Variants in ZNF23 observed in about 807,000 individuals in gnomAD.
ZNF23 encodes the protein kruppel-like zinc finger factor X31.
A neutral mutation model predicts 56.2 loss-of-function variants in ZNF23; 48 were observed. That is an observed-to-expected ratio of 0.85 (90% CI 0.68 to 1.09). ZNF23 has a LOEUF of 1.09. Ranked by LOEUF, ZNF23 falls within the 50% of genes least tolerant of loss-of-function variation. The pLI is 0.00. For synonymous variants in ZNF23, 266 were observed against 283.3 expected (o/e 0.94, Z 0.61); for missense variants, 805 against 811.4 (o/e 0.99, Z 0.10).
chr16:71,458,279 C>T (rs1369741872), intron 1 of ZNF23, among the ~76,000 whole-genome samples: 1 of 152,222 alleles, frequency 6.6e-6, no homozygotes, highest in African/African-American at 2.4e-5. Flanking sequence ...CTGACTTTTA[C>T]TGCCCCTAAA....
chr16:71,449,766 C>T lies in ZNF23; in HGVS notation c.388G>A (p.Glu130Lys). Residue 130 changes from glutamate to lysine, a missense_variant, in exon 5 of 5, where the codon GAG (glutamate) becomes AAG (lysine). Coordinates refer to ENST00000647773, the MANE Select transcript of ZNF23 (RefSeq NM_001381984.1). ...GCTGAGTGGACTTCCTGTTGTTTCT[C>T]TAGAAGAGAGGCTTCTGAAAAGTCT... ...ETDFSEASLL[E>K]KQQEVHSAGN... 4.3e-6 allele frequency: 7 copies of T among 1,614,128 alleles called. No individual in the cohort carries two copies. The highest frequency in any genetic ancestry group is 5.9e-6 in the Non-Finnish European group (7 of 1,180,042).
In ZNF23 at chr16:71,448,632, G is replaced by GC. The variant is rs765342204; in HGVS notation, c.1521dup (p.Arg508AlafsTer13). 2.5e-6 allele frequency: 4 copies of GC among 1,613,784 alleles called. No homozygotes were observed. The highest frequency in any genetic ancestry group is 2.2e-5 in the East Asian group (1 of 44,820). ...TCCCCAGTGTGAATTCTCTGATGCCGCATTAGTTTCCCATTAACGCTGAAG... is the reference window on the plus strand; with the variant it reads ...TCCCCAGTGTGAATTCTCTGATGCCGCCATTAGTTTCCCATTAACGCTGAAG... On this transcript the variant is annotated frameshift_variant, in exon 5 of 5. Transcript: ENST00000647773. LOFTEE classifies it high-confidence loss of function.
In ZNF23 at chr16:71,454,027, G is replaced by A; in HGVS notation, c.160+15C>T. ...AATTGGCAGATTCCAGGTTCCCAGGGTAGAGAGGTCTTACCCAGGGAGGCC... is the reference window on the plus strand; with the variant it reads ...AATTGGCAGATTCCAGGTTCCCAGGATAGAGAGGTCTTACCCAGGGAGGCC... On this transcript the variant is annotated intron_variant, in intron 3 of 4. Coordinates refer to ENST00000647773, the MANE Select transcript of ZNF23 (RefSeq NM_001381984.1). 6.2e-7 allele frequency: 1 copy of A among 1,614,058 alleles called. No homozygotes were observed.
In ZNF23 at chr16:71,449,410, G is replaced by A. The variant is rs773089420; in HGVS notation, c.744C>T (p.Phe248=). ...GCCAAATTAATTTCTCATTAATGCT[G>A]AAAGCTTTGCCACACTCCGAACACT... The part of the protein sequence containing the change: ...PYQCSECGKA[F]SINEKLIWHQ... Residue 248 remains phenylalanine (F), a synonymous_variant, in exon 5 of 5, where the codon TTC becomes TTT. Transcript: ENST00000647773. 1.2e-6 allele frequency: 2 copies of A among 1,614,246 alleles called. No homozygotes were observed. The highest frequency in any genetic ancestry group is 2.2e-5 in the South Asian group (2 of 91,086).
At position 71,449,811 on chromosome 16, in the gene ZNF23, T is replaced by C. The variant is rs761438058; in HGVS notation, c.343A>G (p.Arg115Gly). Residue 115 changes from arginine (R) to glycine (G), a missense_variant, in exon 5 of 5, where the codon AGA becomes GGA. By Grantham distance (125) the Arg-to-Gly change is moderately radical. Coordinates refer to ENST00000647773, the MANE Select transcript of ZNF23 (RefSeq NM_001381984.1). ...GKENVSFELQ[R>G]DFSQETDFSE... Reference sequence around the variant, plus strand: ...AAGTCTGTTTCCTGGGAAAAGTCTCTTTGAAGTTCAAATGATACATTCTCT... The same window carrying C: ...AAGTCTGTTTCCTGGGAAAAGTCTCCTTGAAGTTCAAATGATACATTCTCT... 6.2e-7 allele frequency: 1 copy of C among 1,613,894 alleles called. No homozygotes were observed. The highest frequency in any genetic ancestry group is 8.5e-7 in the Non-Finnish European group (1 of 1,180,000).
rs1192503028 is a variant in ZNF23, at chr16:71,449,556, T to G, written c.598A>C (p.Lys200Gln). The G allele has an allele frequency of 6.2e-7, 1 of 1,614,144 alleles. No individual in the cohort carries two copies. Residue 200 changes from lysine to glutamine, a missense_variant, in exon 5 of 5, where the codon AAG (lysine) becomes CAG (glutamine). By Grantham distance (53) the Lys-to-Gln change is moderately conservative (BLOSUM62 1). Transcript: ENST00000647773. ...TCCTCAGAATTAATTATTTCATGCT[T>G]CACGAGTTTTGTATCAAAGCTGATG... ...KSISFDTKLV[K>Q]HEIINSEERP...
intron 1 of ZNF23, chr16:71,461,673 A>G (rs929573419): frequency 6.6e-6 from 1 of 152,204 alleles, no homozygotes; most frequent in African/African-American, 2.4e-5. Flanking sequence ...TGGGACTGAC[A>G]CTGCTCCAGG....
At chr16:71,460,899 A>T (rs1306657935) in intron 1 of ZNF23, among the ~76,000 whole-genome samples, 1 of 152,172 alleles carries the variant, frequency 6.6e-6, no homozygotes, top group Non-Finnish European at 1.5e-5. Context: ...AACAACCCAC[A>T]TGTCCATTGA....
intron 1 of ZNF23, among the ~76,000 whole-genome samples, chr16:71,457,841 T>C (rs533829759): frequency 6.6e-6 from 1 of 152,192 alleles, no homozygotes; most frequent in Non-Finnish European, 1.5e-5. Flanking sequence ...ATCTTTGACT[T>C]ATTTCTCTTT....
chr16:71,456,144 G>A, intron 2 of ZNF23: 1 of 442,362 alleles, frequency 2.3e-6, no homozygotes, highest in Non-Finnish European at 4.5e-6. Flanking sequence ...GGAAAATTTG[G>A]TTTGCAGGTT....
rs2042948069 is a variant in ZNF23, at chr16:71,448,922, T to A, written c.1232A>T (p.Glu411Val). The A allele has an allele frequency of 1.2e-6, 2 of 1,614,130 alleles. No homozygotes were observed. ...ATTATTATTGAAGCCTTTTCCACACTCTTTACACTGATAGGGCTTTTCTCC... is the reference window on the plus strand; with the variant it reads ...ATTATTATTGAAGCCTTTTCCACACACTTTACACTGATAGGGCTTTTCTCC... Reference protein sequence around the residue: ...HTGEKPYQCKECGKGFNNNTK... With the variant: ...HTGEKPYQCKVCGKGFNNNTK... Residue 411 changes from glutamate to valine, a missense_variant, in exon 5 of 5, where the codon GAG becomes GTG. By Grantham distance (121) the Glu-to-Val change is moderately radical. Transcript: ENST00000647773.
chr16:71,452,349 G>A (rs578198757), intron 4 of ZNF23: 1 of 151,890 alleles, frequency 6.6e-6, no homozygotes, highest in Non-Finnish European at 1.5e-5. Context: ...AAAAATTCAA[G>A]AGAATCTCAC....
rs772032983 is a variant in ZNF23, at chr16:71,448,178, T to C, written c.1976A>G (p.Tyr659Cys). 23 of 1,614,116 alleles carry C rather than the reference T, an allele frequency of 1.4e-5. No homozygotes were observed. The highest frequency in any genetic ancestry group is 8.3e-5 in the Admixed American group (5 of 60,008). Residue 659 changes from tyrosine (Y) to cysteine (C), a missense_variant, in exon 5 of 5, where the codon TAT becomes TGT. Tyr to Cys is a radical substitution (Grantham distance 194). Coordinates refer to ENST00000647773, the MANE Select transcript of ZNF23 (RefSeq NM_001381984.1). ...TGCTTTCCCACACACACTACACATA[T>C]AGGGTTTCTTCCAAGTGTGGACTGT... is the stretch of plus-strand genomic sequence containing the variant. Reference protein sequence around the residue: ...HQTVHTWKKPYMCSVCGKAFR... With the variant: ...HQTVHTWKKPCMCSVCGKAFR...
Position 71,454,162 on chromosome 16 carries a change from C to T in ZNF23, c.40G>A (p.Val14Met), listed in dbSNP as rs770932513. The T allele has an allele frequency of 6.2e-7, 1 of 1,613,010 alleles. No individual in the cohort carries two copies. Among genetic ancestry groups the T allele is most frequent in the Admixed American group, 1.7e-5 (1 of 59,972 alleles). ...MHLTAWPQKS[V>M]TFEDVAVYFT... ...TACACAGCCACGTCCTCAAAGGTCACCGACTTCTGAAACAATAGGTTCCTG... is the reference window on the plus strand; with the variant it reads ...TACACAGCCACGTCCTCAAAGGTCATCGACTTCTGAAACAATAGGTTCCTG... Residue 14 changes from valine to methionine, a missense_variant, in exon 3 of 5, where the codon GTG becomes ATG. Physicochemically the swap from Val to Met is conservative, Grantham distance 21. Coordinates refer to ENST00000647773, the MANE Select transcript of ZNF23 (RefSeq NM_001381984.1).
intron 1 of ZNF23, among the ~76,000 whole-genome samples, chr16:71,460,527 G>A (rs1247007176): frequency 6.6e-6 from 1 of 152,142 alleles, no homozygotes; most frequent in South Asian, 2.1e-4. Context: ...CCGTAGCAGA[G>A]CACAGCAAAG....
In ZNF23 at chr16:71,449,681, C is replaced by T. The variant is rs2145071617; in HGVS notation, c.473G>A (p.Ser158Asn). Residue 158 changes from serine (S) to asparagine (N), a missense_variant, in exon 5 of 5, where the codon AGC becomes AAC. Transcript: ENST00000647773. ...TIDGTVKDET[S>N]PVEECFFSQS... ...ACTAAAAAAACACTCCTCCACGGGG[C>T]TTGTCTCATCTTTCACTGTTCCATC... is the stretch of plus-strand genomic sequence containing the variant. 1.2e-6 allele frequency: 2 copies of T among 1,613,752 alleles called. No individual in the cohort carries two copies. Among genetic ancestry groups the T allele is most frequent in the African/African-American group, 2.7e-5 (2 of 75,056 alleles).
Position 71,450,028 on chromosome 16 carries a change from G to T in ZNF23, c.269-143C>A, listed in dbSNP as rs730470. ...AAAAAACATAGGGTTTCTCCATAAG[G>T]TGGGATAAGTAATTTGTAACTAACT... On this transcript the variant is annotated intron_variant, in intron 4 of 4. Transcript: ENST00000647773. The T allele has an allele frequency of 1.4e-3, 811 of 579,500 alleles. 14 individuals carry two copies. In the East Asian group the frequency reaches 0.024, roughly 17 times the overall value. The allele number at this position is 579,500 out of a possible 1,614,324, so 35.9% of individuals were successfully genotyped here. A position where few individuals can be genotyped will look rare whatever the true frequency, so the allele number is the denominator to read the frequency against.
Position 71,449,472 on chromosome 16 carries a change from G to A in ZNF23, c.682C>T (p.Gln228Ter), listed in dbSNP as rs777602194. The A allele has an allele frequency of 1.9e-6, 3 of 1,614,152 alleles. No homozygotes were observed. Among genetic ancestry groups the A allele is most frequent in the South Asian group, 1.1e-5 (1 of 91,082 alleles). Residue 228 changes from glutamine to a stop codon, truncating the protein, a stop_gained, in exon 5 of 5, where the codon CAA becomes TAA. Coordinates refer to ENST00000647773, the MANE Select transcript of ZNF23 (RefSeq NM_001381984.1). LOFTEE classifies it high-confidence loss of function. ...TCCTCAGTGTTGTTCTCTTGATGTT[G>A]AATAAGTTGAGAGTCACACCTAAAG... is the stretch of plus-strand genomic sequence containing the variant. ...EPFRCDSQLI[Q>*]HQENNTEEKP...
intron 1 of ZNF23, among the ~76,000 whole-genome samples, chr16:71,458,697 G>A (rs373390921): frequency 1.8e-4 from 28 of 152,238 alleles, no homozygotes; most frequent in Admixed American, 1.2e-3. Context: ...CTCACTCCCC[G>A]CCTCCCCCAT....
Sources: gnomAD v4.1 joint callset for allele counts (sites outside exome capture counted in the v4.1 genomes callset) on GRCh38, gnomAD v4.1.1 for gene constraint, MANE v1.5 for transcripts, NCBI Gene and HGNC (gene_info 2026-07-23, HGNC 2026-07-21) for gene names.